Variants in SNTG1 observed in about 807,000 individuals in gnomAD.
SNTG1 encodes gamma-1-syntrophin.
Under a neutral mutation model 74.7 loss-of-function variants are expected in SNTG1, and 39 were observed. The ratio of observed to expected loss-of-function variants is 0.52; its 90% CI spans 0.40 to 0.68. The LOEUF (loss-of-function observed/expected upper bound fraction) is 0.68. Ranked by LOEUF, SNTG1 falls within the 30% of genes least tolerant of loss-of-function variation. The probability of loss-of-function intolerance (pLI) is 0.00; values close to 1 mark genes in which losing one functional copy is unlikely to be tolerated. For missense variants in SNTG1, 685 were observed against 609.5 expected, an observed-to-expected ratio of 1.12 and a Z score of -1.30; for synonymous variants, 254 against 217.1, an observed-to-expected ratio of 1.17 and a Z score of -1.49.
chr8:50,127,769 A>G (rs183304534), intron 1 of SNTG1, among the ~76,000 whole-genome samples: 1 of 152,290 alleles, frequency 6.6e-6, no homozygotes, highest in East Asian at 1.9e-4. Context: ...AAAAGTAAAC[A>G]ATTAGGACAT....
chr8:50,320,622 C>T (rs988469879), intron 2 of SNTG1, among the ~76,000 whole-genome samples: 4 of 151,242 alleles, frequency 2.6e-5, no homozygotes, highest in African/African-American at 9.7e-5. Flanking sequence ...ATTTAAAGCT[C>T]TTCTTCTTTT....
chr8:50,767,848 A>G (rs1259523675), intron 18 of SNTG1, among the ~76,000 whole-genome samples: 2 of 152,064 alleles, frequency 1.3e-5, no homozygotes, highest in South Asian at 4.1e-4. Flanking sequence ...AAATCCCCTG[A>G]TTTCAAAACG....
At chr8:50,417,895 C>A (rs1563358444) in intron 4 of SNTG1, among the ~76,000 whole-genome samples, 1 of 152,090 alleles carries the variant, frequency 6.6e-6, no homozygotes, top group Admixed American at 6.6e-5. Context: ...AAATTCCACC[C>A]TTGCATGCAT....
In SNTG1 at chr8:50,796,215, G is replaced by A. The variant is rs935429469; in HGVS notation, c.*3386G>A. The stretch of plus-strand genomic sequence containing the variant: ...ATTACTGCTAGAAATCAGCAGTGTG[G>A]AGAAGCTTTAAAAGCACAAGGATGA... On this transcript the variant is annotated 3_prime_UTR_variant, in exon 19 of 19. Transcript: ENST00000642720. 1.3e-5 allele frequency: 2 copies of A among 152,032 alleles called. No homozygotes were observed. Among genetic ancestry groups the A allele is most frequent in the Non-Finnish European group, 2.9e-5 (2 of 67,952 alleles). The allele number at this position is 152,032 out of a possible 1,614,324, so 9.4% of individuals were successfully genotyped here.
intron 15 of SNTG1, among the ~76,000 whole-genome samples, chr8:50,690,235 G>A (rs1196355038): frequency 2.6e-5 from 4 of 151,830 alleles, no homozygotes; most frequent in East Asian, 3.9e-4. Context: ...GTTTTTTTGT[G>A]TCTCTATTTC....
Position 49,956,837 on chromosome 8 carries a change from A to G in SNTG1, c.-103+44606A>G, listed in dbSNP as rs566853029. On this transcript the variant is annotated intron_variant, in intron 1 of 18. Transcript: ENST00000642720. Reference sequence around the variant, plus strand: ...AAATAATATATTAACTTAGATAAGCATGGGTAATTCAGTCTCTCTCTTTTT... The same window carrying G: ...AAATAATATATTAACTTAGATAAGCGTGGGTAATTCAGTCTCTCTCTTTTT... Among the ~76,000 whole-genome samples the G allele has an allele frequency of 3.3e-5, 5 of 152,312 alleles. No homozygotes were observed. In the East Asian group the frequency reaches 9.7e-4, roughly 29 times the overall value.
chr8:50,152,877 T>C (rs1237765654), intron 1 of SNTG1, among the ~76,000 whole-genome samples: 4 of 152,200 alleles, frequency 2.6e-5, no homozygotes, highest in Non-Finnish European at 4.4e-5. Context: ...CTGCCAATTA[T>C]GTGTCTTGGA....
intron 2 of SNTG1, among the ~76,000 whole-genome samples, chr8:50,318,190 A>G (rs566741372): frequency 6.6e-6 from 1 of 152,002 alleles, no homozygotes; most frequent in South Asian, 2.1e-4. Flanking sequence ...TGGACTTGAG[A>G]GTAGGAACTG....
intron 1 of SNTG1, among the ~76,000 whole-genome samples, chr8:50,155,756 T>C (rs2082233913): frequency 6.6e-6 from 1 of 151,926 alleles, no homozygotes; most frequent in Admixed American, 6.6e-5. Flanking sequence ...TAGGGCCATC[T>C]GAAGAAAGAT....
At chr8:50,163,474 C>CTT (rs1415660620) in intron 1 of SNTG1, 1 of 130,860 alleles carries the variant, frequency 7.6e-6, no homozygotes, top group Non-Finnish European at 1.6e-5. Context: ...GAATTTTCTT[C>CTT]TTTTTTCTTT....
intron 2 of SNTG1, among the ~76,000 whole-genome samples, chr8:50,211,003 T>C (rs1289654467): frequency 6.6e-6 from 1 of 152,176 alleles, no homozygotes; most frequent in South Asian, 2.1e-4. Flanking sequence ...GCATTGGTAA[T>C]GTATGATTGC....
chr8:50,707,535 C>T (rs2095447390), intron 16 of SNTG1, among the ~76,000 whole-genome samples: 1 of 152,040 alleles, frequency 6.6e-6, no homozygotes, highest in African/African-American at 2.4e-5. Flanking sequence ...GGCTTAAACA[C>T]ATGAATGTAA....
intron 2 of SNTG1, among the ~76,000 whole-genome samples, chr8:50,204,931 G>T (rs7001975): frequency 0.011 from 1,625 of 152,178 alleles, 27 homozygotes; most frequent in African/African-American, 0.037. Context: ...AGTATTCCAT[G>T]GTATATATGT....
chr8:50,604,249 T>G (rs542281436), intron 13 of SNTG1, among the ~76,000 whole-genome samples: 87 of 152,212 alleles, frequency 5.7e-4, no homozygotes, highest in Middle Eastern at 6.8e-3. Flanking sequence ...GAAACTCATC[T>G]GTACTTAAAA....
chr8:49,942,870 T>C (rs1310588375), intron 1 of SNTG1, among the ~76,000 whole-genome samples: 1 of 152,232 alleles, frequency 6.6e-6, no homozygotes, highest in Non-Finnish European at 1.5e-5. Context: ...CTCTGTAAAG[T>C]TACTTTCCCT....
At chr8:50,285,043 T>C (rs1405937596) in intron 2 of SNTG1, among the ~76,000 whole-genome samples, 4 of 152,186 alleles carry the variant, frequency 2.6e-5, no homozygotes, top group Non-Finnish European at 5.9e-5. Context: ...TTGTGTGCTT[T>C]TATTACATTG....
chr8:50,165,593 A>G (rs2082584115), intron 1 of SNTG1, among the ~76,000 whole-genome samples: 1 of 152,182 alleles, frequency 6.6e-6, no homozygotes, highest in Non-Finnish European at 1.5e-5. Context: ...ACGGACACTC[A>G]TCGACCATGT....
At chr8:50,625,265 T>C (rs1341092317) in intron 13 of SNTG1, among the ~76,000 whole-genome samples, 1 of 152,158 alleles carries the variant, frequency 6.6e-6, no homozygotes, top group Non-Finnish European at 1.5e-5. Context: ...TATCAATACA[T>C]CCTTTCCTAA....
In SNTG1 at chr8:50,369,758, C is replaced by T. The variant is rs538989718; in HGVS notation, c.-27-24454C>T. Among the ~76,000 whole-genome samples, 15 of 152,248 alleles carry T rather than the reference C, an allele frequency of 9.9e-5. No homozygotes were observed. In the South Asian group the frequency reaches 2.9e-3, roughly 29 times the overall value. On this transcript the variant is annotated intron_variant, in intron 2 of 18. Transcript: ENST00000642720. ...GATCTTGGACTTCCAGCCTCCAGAA[C>T]TGTGAGTGATACATTTTTGTTGTTT...
Sources: gnomAD v4.1 joint callset for allele counts (sites outside exome capture counted in the v4.1 genomes callset) on GRCh38, gnomAD v4.1.1 for gene constraint, MANE v1.5 for transcripts, NCBI Gene and HGNC (gene_info 2026-07-23, HGNC 2026-07-21) for gene names.